KIAA0825: variants seen among roughly 807,000 people sequenced by gnomAD.
KIAA0825 encodes the protein KIAA0825.
KIAA0825 carries 119 observed loss-of-function variants against 147.6 expected under a neutral mutation model. That is an observed-to-expected ratio of 0.81 (90% CI 0.69 to 0.94). The LOEUF (loss-of-function observed/expected upper bound fraction) is 0.94, where lower values mean the gene tolerates loss of function less well. Among genes scored for constraint, KIAA0825 ranks in the 40% least tolerant of loss-of-function variants. The pLI, the probability that KIAA0825 is intolerant of heterozygous loss-of-function variation, is 0.00. For synonymous variants in KIAA0825, 470 were observed against 518.1 expected (o/e 0.91, Z 1.26); for missense variants, 1,381 against 1,472.7 (o/e 0.94, Z 1.02).
intron 20 of KIAA0825, among the ~76,000 whole-genome samples, chr5:94,320,565 C>T (rs1279826275): frequency 6.6e-6 from 1 of 151,736 alleles, no homozygotes; most frequent in Non-Finnish European, 1.5e-5. Flanking sequence ...TTGACATCAA[C>T]ATTATGTTAC....
intron 20 of KIAA0825, among the ~76,000 whole-genome samples, chr5:94,273,000 T>G (rs1177166694): frequency 6.6e-6 from 1 of 152,170 alleles, no homozygotes; most frequent in Non-Finnish European, 1.5e-5. Flanking sequence ...AGGATGCAAA[T>G]TAATTGCTTT....
chr5:94,525,615 G>A (rs1032341690), intron 3 of KIAA0825, among the ~76,000 whole-genome samples: 3 of 151,836 alleles, frequency 2.0e-5, no homozygotes, highest in African/African-American at 7.2e-5. Context: ...AATGCCCTAA[G>A]CATACCCCTT....
intron 14 of KIAA0825, among the ~76,000 whole-genome samples, chr5:94,438,687 C>T (rs1756681368): frequency 6.6e-6 from 1 of 152,112 alleles, no homozygotes; most frequent in South Asian, 2.1e-4. Context: ...CTTTTGGGAA[C>T]CAAACATTGA....
At chr5:94,518,179 G>A (rs1486155225) in intron 5 of KIAA0825, among the ~76,000 whole-genome samples, 1 of 152,152 alleles carries the variant, frequency 6.6e-6, no homozygotes, top group East Asian at 1.9e-4. Context: ...TCGAGCCATT[G>A]TCGGTCATCT....
At chr5:94,191,816 C>G (rs753222780) in intron 20 of KIAA0825, among the ~76,000 whole-genome samples, 1 of 152,242 alleles carries the variant, frequency 6.6e-6, no homozygotes, top group Non-Finnish European at 1.5e-5. Flanking sequence ...ATCAGCATGA[C>G]TGTGGAAACT....
chr5:94,307,593 G>A (rs1182044318), intron 20 of KIAA0825, among the ~76,000 whole-genome samples: 1 of 150,358 alleles, frequency 6.7e-6, no homozygotes, highest in South Asian at 2.1e-4. Context: ...TTTCATCTTT[G>A]GCTCCTTGCT....
At chr5:94,541,397 G>T (rs1773281428) in intron 2 of KIAA0825, among the ~76,000 whole-genome samples, 1 of 152,198 alleles carries the variant, frequency 6.6e-6, no homozygotes, top group South Asian at 2.1e-4. Context: ...AAGGAAAGTA[G>T]AATATGCTTT....
At chr5:94,567,246 C>T (rs544186644) in intron 2 of KIAA0825, among the ~76,000 whole-genome samples, 1 of 152,270 alleles carries the variant, frequency 6.6e-6, no homozygotes, top group African/African-American at 2.4e-5. Flanking sequence ...TCAATAATTG[C>T]AATTCCTTAA....
At chr5:94,269,122 A>C (rs1226935385) in intron 20 of KIAA0825, among the ~76,000 whole-genome samples, 1 of 152,168 alleles carries the variant, frequency 6.6e-6, no homozygotes, top group Non-Finnish European at 1.5e-5. Context: ...TGGTTCCCCT[A>C]AAGGTGCCAT....
chr5:94,530,169 G>T (rs1332087074), intron 3 of KIAA0825, among the ~76,000 whole-genome samples: 2 of 150,746 alleles, frequency 1.3e-5, no homozygotes, highest in Non-Finnish European at 2.9e-5. Context: ...TACTTGGGAG[G>T]CTGGGGCAGA....
At chr5:94,336,423 C>T (rs548328816) in intron 20 of KIAA0825, among the ~76,000 whole-genome samples, 3 of 151,040 alleles carry the variant, frequency 2.0e-5, no homozygotes, top group Non-Finnish European at 4.4e-5. Context: ...CCCCCACCCC[C>T]CAAACAGGCC....
chr5:94,178,441 C>A lies in KIAA0825; in HGVS notation c.3711-24317G>T, dbSNP rs139113473. 2.0e-3 allele frequency among the ~76,000 whole-genome samples: 305 copies of A among 151,862 alleles called. 1 individual carries two copies. The highest frequency in any genetic ancestry group is 6.8e-3 in the African/African-American group (283 of 41,476). On this transcript the variant is annotated intron_variant, in intron 20 of 20. Coordinates refer to ENST00000682413, the MANE Select transcript of KIAA0825 (RefSeq NM_001145678.3). ...TGATGTGATCTGTCTTCTTAGGTAT[C>A]CTTTTTTATGAGAAGGAAGTCTCCT... is the stretch of plus-strand genomic sequence containing the variant.
At chr5:94,199,145 T>A (rs753799954) in intron 20 of KIAA0825, among the ~76,000 whole-genome samples, 1 of 152,194 alleles carries the variant, frequency 6.6e-6, no homozygotes, top group Admixed American at 6.5e-5. Flanking sequence ...AGAATTCTTG[T>A]GTTGGTTCTT....
chr5:94,528,033 C>T (rs1490174590), intron 3 of KIAA0825, among the ~76,000 whole-genome samples: 1 of 151,962 alleles, frequency 6.6e-6, no homozygotes, highest in African/African-American at 2.4e-5. Flanking sequence ...AAAAAGAATA[C>T]TCCTAACACA....
chr5:94,576,433 G>A (rs1781061713), intron 2 of KIAA0825, among the ~76,000 whole-genome samples: 1 of 152,108 alleles, frequency 6.6e-6, no homozygotes, highest in African/African-American at 2.4e-5. Flanking sequence ...TGAGTTAATA[G>A]ATTAATGGGA....
At chr5:94,491,511 G>A (rs2151075900) in intron 5 of KIAA0825, among the ~76,000 whole-genome samples, 1 of 152,202 alleles carries the variant, frequency 6.6e-6, no homozygotes, top group East Asian at 1.9e-4. Context: ...CCACAGCAGG[G>A]GAAAGAACAG....
intron 20 of KIAA0825, among the ~76,000 whole-genome samples, chr5:94,224,432 A>G (rs541860827): frequency 4.7e-4 from 72 of 152,088 alleles, no homozygotes; most frequent in African/African-American, 1.2e-3. Context: ...TTAAAAAAAG[A>G]TACAAATAAA....
chr5:94,199,350 G>C (rs958751921), intron 20 of KIAA0825, among the ~76,000 whole-genome samples: 15 of 152,190 alleles, frequency 9.9e-5, no homozygotes, highest in Non-Finnish European at 1.5e-4. Flanking sequence ...CTAACCCTGG[G>C]GGGCAGGGAC....
At chr5:94,511,926 T>C (rs1271977874) in intron 5 of KIAA0825, among the ~76,000 whole-genome samples, 1 of 151,692 alleles carries the variant, frequency 6.6e-6, no homozygotes, top group East Asian at 1.9e-4. Flanking sequence ...GAGGCGGAGG[T>C]TGCAGTGAGC....
Sources: allele counts gnomAD v4.1 joint callset (sites outside exome capture counted in the v4.1 genomes callset), GRCh38; gene constraint gnomAD v4.1.1; transcripts MANE v1.5; gene names NCBI Gene and HGNC (gene_info 2026-07-23, HGNC 2026-07-21).